The following TBCK variants were observed in gnomAD, a reference collection of about 807,000 sequenced individuals.
TBCK encodes TBC domain-containing protein kinase-like protein.
A neutral mutation model predicts 113.4 loss-of-function variants in TBCK; 99 were observed. The observed-to-expected ratio is 0.87, with a 90% CI of 0.74 to 1.03. The LOEUF is 1.03. Ranked by LOEUF, TBCK falls within the 50% of genes least tolerant of loss-of-function variation. The probability of loss-of-function intolerance (pLI) is 0.00; values close to 1 mark genes in which losing one functional copy is unlikely to be tolerated. For synonymous variants in TBCK, 369 were observed against 370.8 expected, an observed-to-expected ratio of 1.00 and a Z score of 0.05; for missense variants, 1,045 against 1,061.3, an observed-to-expected ratio of 0.98 and a Z score of 0.21.
In TBCK at chr4:106,149,564, C is replaced by T. The variant is rs568212921; in HGVS notation, c.2235+21531G>A. On this transcript the variant is annotated intron_variant, in intron 23 of 25. Coordinates refer to ENST00000394708, the MANE Select transcript of TBCK (RefSeq NM_001163435.3). ...TGGCTGGTTGGGGGAGCAATGAGAA[C>T]GCACATATTTATCACTTAAGTTTGC... 5.2e-4 allele frequency among the ~76,000 whole-genome samples: 79 copies of T among 152,212 alleles called. 2 individuals carry two copies. Among genetic ancestry groups the T allele is most frequent in the Non-Finnish European group, 2.4e-4 (16 of 68,026 alleles).
Position 106,260,486 on chromosome 4 carries a change from C to T in TBCK, c.406G>A (p.Gly136Arg). Residue 136 changes from glycine (G) to arginine (R), a missense_variant, in exon 5 of 26, where the codon GGA becomes AGA. Gly to Arg is a moderately radical substitution (Grantham distance 125, BLOSUM62 -2). Transcript: ENST00000394708. ...CCATGAGCTGTCATGTGATAAAGTC[C>T]AAATTTAGCCAATTTAATATGTCCC... is the stretch of plus-strand genomic sequence containing the variant. ...RKGHIKLAKFGLYHMTAHGDD... is the reference protein window; with the variant it reads ...RKGHIKLAKFRLYHMTAHGDD... 1 of 1,372,722 alleles carries T rather than the reference C, an allele frequency of 7.3e-7. No homozygotes were observed. The highest frequency in any genetic ancestry group is 9.7e-7 in the Non-Finnish European group (1 of 1,031,892). 85.0% of individuals were successfully genotyped at this position (1,372,722 alleles called of 1,614,324 possible).
chr4:106,233,129 C>A, intron 16 of TBCK, 65 bp from the exon 17 acceptor site: 1 of 1,397,360 alleles, frequency 7.2e-7, no homozygotes, highest in Non-Finnish European at 9.8e-7. Flanking sequence ...ACCCTTAATC[C>A]TTGTTCATTA....
At chr4:106,083,356 A>AC (rs34171754) in intron 25 of TBCK, among the ~76,000 whole-genome samples, 49,004 of 152,060 alleles carry the variant, frequency 0.32, 8,100 homozygotes, top group African/African-American at 0.37. Context: ...ACCCTGACCC[A>AC]CCTTCCTCAG....
chr4:106,076,539 G>A (rs368281070), intron 25 of TBCK, among the ~76,000 whole-genome samples: 29 of 152,204 alleles, frequency 1.9e-4, no homozygotes, highest in African/African-American at 5.5e-4. Context: ...TACTATGTAA[G>A]ACAACCATCC....
chr4:106,167,588 G>C (rs1167313267), intron 23 of TBCK, among the ~76,000 whole-genome samples: 2 of 151,260 alleles, frequency 1.3e-5, no homozygotes, highest in East Asian at 3.9e-4. Flanking sequence ...ACCAAAAGCT[G>C]GCTCCTTGCA....
At chr4:106,238,155 C>A (rs1198534276) in intron 12 of TBCK, among the ~76,000 whole-genome samples, 1 of 152,020 alleles carries the variant, frequency 6.6e-6, no homozygotes, top group African/African-American at 2.4e-5. Context: ...AAGAGCAAAA[C>A]AAAATCAGCT....
chr4:106,236,852 C>A, intron 12 of TBCK, 44 bp from the exon 13 acceptor site: 3 of 1,135,192 alleles, frequency 2.6e-6, no homozygotes, highest in South Asian at 1.8e-5. Context: ...ACATATTGGG[C>A]AGAAACCCTG....
At chr4:106,071,503 G>A (rs759166881) in intron 25 of TBCK, among the ~76,000 whole-genome samples, 4 of 152,176 alleles carry the variant, frequency 2.6e-5, no homozygotes. Context: ...TTGCTGAGGA[G>A]TGCTTTACTC....
At chr4:106,077,308 T>A (rs1436728967) in intron 25 of TBCK, among the ~76,000 whole-genome samples, 2 of 152,104 alleles carry the variant, frequency 1.3e-5, no homozygotes, top group African/African-American at 4.8e-5. Flanking sequence ...TAAGACCAAA[T>A]CCTCACATAG....
rs149157234 is a variant in TBCK, at chr4:106,196,306, T to C, written c.1861-1552A>G. Among the ~76,000 whole-genome samples the C allele has an allele frequency of 2.7e-3, 406 of 151,984 alleles. 3 individuals carry two copies. The highest frequency in any genetic ancestry group is 9.6e-3 in the African/African-American group (397 of 41,548). ...TTATAAAAGTAGAGTAAAAATCTCC[T>C]TTGTCAATAGCAAGTATCAAAAATC... On this transcript the variant is annotated intron_variant, in intron 20 of 25. Transcript: ENST00000394708.
In TBCK at chr4:106,161,452, C is replaced by T. The variant is rs146579516; in HGVS notation, c.2235+9643G>A. On this transcript the variant is annotated intron_variant, in intron 23 of 25. Coordinates refer to ENST00000394708, the MANE Select transcript of TBCK (RefSeq NM_001163435.3). ...GATAATATACATCAACATTTGCAAA[C>T]CACTGTTTTATAAATGATTGTGCAG... Among the ~76,000 whole-genome samples, 205 of 151,984 alleles carry T rather than the reference C, an allele frequency of 1.3e-3. 1 individual carries two copies. Among genetic ancestry groups the T allele is most frequent in the Admixed American group, 3.1e-3 (48 of 15,252 alleles).
At chr4:106,191,405 A>G (rs1753652371) in intron 22 of TBCK, among the ~76,000 whole-genome samples, 1 of 152,206 alleles carries the variant, frequency 6.6e-6, no homozygotes, top group Non-Finnish European at 1.5e-5. Flanking sequence ...TCAGTTAAAA[A>G]TATCAAATTT....
intron 3 of TBCK, among the ~76,000 whole-genome samples, chr4:106,279,209 A>T (rs1284115374): frequency 6.6e-6 from 1 of 152,202 alleles, no homozygotes; most frequent in Non-Finnish European, 1.5e-5. Context: ...TTTCCTCGCT[A>T]ACTGAAGGAA....
chr4:106,235,486 T>C (rs112406187), intron 14 of TBCK, 119 bp from the exon 15 acceptor site: 16 of 532,984 alleles, frequency 3.0e-5, no homozygotes, highest in African/African-American at 1.6e-4. Flanking sequence ...TTTCAAAGTA[T>C]GTGCAATTAT....
At chr4:106,117,048 G>A (rs1423310760) in intron 23 of TBCK, among the ~76,000 whole-genome samples, 2 of 152,008 alleles carry the variant, frequency 1.3e-5, no homozygotes, top group African/African-American at 4.8e-5. Flanking sequence ...AAAACGGCTG[G>A]GGACCGCTGG....
chr4:106,080,462 T>C (rs1738720411), intron 25 of TBCK, among the ~76,000 whole-genome samples: 2 of 152,156 alleles, frequency 1.3e-5, no homozygotes, highest in South Asian at 2.1e-4. Context: ...TGGGACATTC[T>C]AGCCAAATGC....
At chr4:106,233,774 C>G in intron 15 of TBCK, 124 bp from the exon 16 acceptor site, 1 of 706,168 alleles carries the variant, frequency 1.4e-6, no homozygotes, top group Non-Finnish European at 2.4e-6. Flanking sequence ...TAAGCACATT[C>G]AAACTCAGGG....
chr4:106,227,779 G>T (rs537558979), intron 19 of TBCK, among the ~76,000 whole-genome samples: 1 of 151,896 alleles, frequency 6.6e-6, no homozygotes, highest in African/African-American at 2.4e-5. Flanking sequence ...TGCTCTAAAA[G>T]AACAGAAAAA....
chr4:106,244,734 G>C lies in TBCK; in HGVS notation c.962C>G (p.Ser321Cys), dbSNP rs1002906466. ...CCAAAGGTAATACACTTCTTCAATAGATCTTTCTGCCAGGTAATCATTATT... is the reference window on the plus strand; with the variant it reads ...CCAAAGGTAATACACTTCTTCAATACATCTTTCTGCCAGGTAATCATTATT... ...DINNDYLAER[S>C]IEEVYYLWCL... The change falls in exon 11 of 26, where the codon TCT becomes TGT. Residue 321 changes from serine (S) to cysteine (C), a missense_variant. Transcript: ENST00000394708. 8.8e-6 allele frequency: 14 copies of C among 1,594,488 alleles called. No homozygotes were observed. The highest frequency in any genetic ancestry group is 1.1e-5 in the Non-Finnish European group (13 of 1,168,582).
Sources: allele counts gnomAD v4.1 joint callset (sites outside exome capture counted in the v4.1 genomes callset), GRCh38; gene constraint gnomAD v4.1.1; transcripts MANE v1.5; gene names NCBI Gene and HGNC (gene_info 2026-07-23, HGNC 2026-07-21).